IGBP1C: variants seen among roughly 807,000 people sequenced by gnomAD.
IGBP1C encodes IGBP1 family member C.
chr17:58,686,501 C>T, the IGBP1C span, among the ~76,000 whole-genome samples: 1 of 152,072 alleles, frequency 6.6e-6, no homozygotes, highest in Non-Finnish European at 1.5e-5. Context: ...ATCTGGACGG[C>T]AGAGGGTCAG....
the IGBP1C span, among the ~76,000 whole-genome samples, chr17:58,664,061 C>A: frequency 6.6e-6 from 1 of 152,168 alleles, no homozygotes; most frequent in African/African-American, 2.4e-5. Context: ...AAAAAAACAA[C>A]AGCAAAAACC....
the IGBP1C span, among the ~76,000 whole-genome samples, chr17:58,662,890 C>G: frequency 6.6e-6 from 1 of 151,928 alleles, no homozygotes. Context: ...AAGGCTGAGA[C>G]GGGTGGATCA....
the IGBP1C span, among the ~76,000 whole-genome samples, chr17:58,663,688 G>A: frequency 6.6e-6 from 1 of 151,974 alleles, no homozygotes; most frequent in African/African-American, 2.4e-5. Context: ...GGCTGGTCTT[G>A]AACTCCTGAC....
chr17:58,662,969 G>A, the IGBP1C span, among the ~76,000 whole-genome samples: 11 of 151,990 alleles, frequency 7.2e-5, no homozygotes, highest in African/African-American at 2.7e-4. Context: ...TTAGCCGGGC[G>A]TGGTGGTGGG....
At chr17:58,676,814 T>A in the IGBP1C span, among the ~76,000 whole-genome samples, 1 of 151,760 alleles carries the variant, frequency 6.6e-6, no homozygotes, top group African/African-American at 2.4e-5. Context: ...AGCGAGACCC[T>A]ATGCTACAAA....
the IGBP1C span, among the ~76,000 whole-genome samples, chr17:58,670,852 T>A: frequency 1.0e-4 from 15 of 149,876 alleles, no homozygotes; most frequent in Non-Finnish European, 2.2e-4. Context: ...ATGTTAAGCA[T>A]CTTTACCACA....
the IGBP1C span, among the ~76,000 whole-genome samples, chr17:58,665,539 T>C: frequency 6.6e-6 from 1 of 151,792 alleles, no homozygotes; most frequent in Non-Finnish European, 1.5e-5. Context: ...GAGGTTGCAG[T>C]GAGCCGAGAT....
the IGBP1C span, among the ~76,000 whole-genome samples, chr17:58,666,031 G>C: frequency 6.7e-6 from 1 of 148,674 alleles, no homozygotes; most frequent in African/African-American, 2.5e-5. Context: ...CCTGGGAGAC[G>C]GCGAGACTCT....
the IGBP1C span, chr17:58,660,776 T>C: frequency 1.3e-6 from 1 of 781,334 alleles, no homozygotes; most frequent in Non-Finnish European, 2.4e-6. Context: ...TTTCTGATGT[T>C]GATCATACCA....
chr17:58,684,317 T>C, the IGBP1C span, among the ~76,000 whole-genome samples: 1 of 151,538 alleles, frequency 6.6e-6, no homozygotes, highest in Admixed American at 6.6e-5. Flanking sequence ...CAAAAATTAG[T>C]GAGGCATGGT....
chr17:58,684,595 T>TCCAGCCTGG, the IGBP1C span, among the ~76,000 whole-genome samples: 1 of 151,766 alleles, frequency 6.6e-6, no homozygotes, highest in Non-Finnish European at 1.5e-5. Context: ...ATCGTGCCAC[T>TCCAGCCTGG]GCACTCCAGC....
the IGBP1C span, among the ~76,000 whole-genome samples, chr17:58,668,228 A>C: frequency 1.3e-5 from 2 of 152,094 alleles, no homozygotes; most frequent in Non-Finnish European, 2.9e-5. Context: ...ACAAATTCCC[A>C]TTTGCCCATG....
At chr17:58,664,644 G>A in the IGBP1C span, among the ~76,000 whole-genome samples, 6 of 152,122 alleles carry the variant, frequency 3.9e-5, no homozygotes, top group African/African-American at 1.4e-4. Flanking sequence ...AAAAAGTTCA[G>A]CAGGGCCACA....
the IGBP1C span, among the ~76,000 whole-genome samples, chr17:58,673,484 A>AAAATAAAT: frequency 0.21 from 30,436 of 143,248 alleles, 3,445 homozygotes; most frequent in African/African-American, 0.25. Context: ...CTCCATCTCA[A>AAAATAAAT]AAATAAATAA....
the IGBP1C span, among the ~76,000 whole-genome samples, chr17:58,668,036 A>C: frequency 8.5e-5 from 13 of 152,112 alleles, no homozygotes; most frequent in African/African-American, 3.1e-4. Flanking sequence ...ATTTAGCTGA[A>C]ACCCAAATTC....
chr17:58,681,710 G>T, the IGBP1C span, among the ~76,000 whole-genome samples: 1 of 151,856 alleles, frequency 6.6e-6, no homozygotes, highest in Non-Finnish European at 1.5e-5. Flanking sequence ...ATATCTGGTG[G>T]TGTGCATCTG....
At chr17:58,661,320 G>T in the IGBP1C span, 1 of 866,312 alleles carries the variant, frequency 1.2e-6, no homozygotes, top group Non-Finnish European at 2.0e-6. Flanking sequence ...GGGTTGACTT[G>T]TTTCATGGTG....
At chr17:58,662,513 A>T in the IGBP1C span, among the ~76,000 whole-genome samples, 1 of 152,054 alleles carries the variant, frequency 6.6e-6, no homozygotes, top group African/African-American at 2.4e-5. Context: ...ATAAGTTGAG[A>T]TGGAGAAACA....
At chr17:58,674,919 G>T in the IGBP1C span, among the ~76,000 whole-genome samples, 1 of 150,926 alleles carries the variant, frequency 6.6e-6, no homozygotes, top group Admixed American at 6.6e-5. Context: ...CTGAGGGGGG[G>T]TGCATCACTT....
Sources: allele counts gnomAD v4.1 joint callset (sites outside exome capture counted in the v4.1 genomes callset), GRCh38; gene constraint gnomAD v4.1.1; transcripts MANE v1.5; gene names NCBI Gene and HGNC (gene_info 2026-07-23, HGNC 2026-07-21).